IFT122: variants seen among roughly 807,000 people sequenced by gnomAD.
IFT122 encodes intraflagellar transport 122.
In IFT122, 118 loss-of-function variants were observed where a neutral mutation model predicts 161.6. The ratio of observed to expected loss-of-function variants is 0.73; its 90% CI spans 0.63 to 0.85. The LOEUF (loss-of-function observed/expected upper bound fraction) is 0.85. IFT122 is among the 40% of genes least tolerant of loss of function. The probability of loss-of-function intolerance (pLI) is 0.00; values close to 1 mark genes in which losing one functional copy is unlikely to be tolerated. For missense variants in IFT122, 1,381 were observed against 1,579.6 expected (o/e 0.87, Z 2.13); for synonymous variants, 550 against 602.4 (o/e 0.91, Z 1.27).
intron 3 of IFT122, among the ~76,000 whole-genome samples, chr3:129,453,281 T>C (rs761009312): frequency 3.4e-4 from 51 of 152,196 alleles, no homozygotes; most frequent in South Asian, 6.2e-4. Flanking sequence ...AAATTCTCAA[T>C]TCCATTTTTT....
chr3:129,461,283 T>C lies in IFT122; in HGVS notation c.328T>C (p.Ser110Pro). 6.2e-7 allele frequency: 1 copy of C among 1,613,250 alleles called. No individual in the cohort carries two copies. ...SYNPITHQLA[S>P]CSSSDFGLWS... ...CAATCCTATTACTCATCAACTGGCATCTTGTTCCTCCAGTGACTTTGGTAC... is the reference window on the plus strand; with the variant it reads ...CAATCCTATTACTCATCAACTGGCACCTTGTTCCTCCAGTGACTTTGGTAC... The change falls in exon 5 of 30, where the codon TCT becomes CCT. Residue 110 changes from serine to proline, a missense_variant. Around this residue, in one of 7 missense-constraint regions of IFT122, gnomAD observed 134 missense variants for 137.4 expected, o/e 0.98. Coordinates refer to ENST00000348417, the MANE Select transcript of IFT122 (RefSeq NM_052989.3).
At chr3:129,456,067 A>G in intron 3 of IFT122, 1 of 460,548 alleles carries the variant, frequency 2.2e-6, no homozygotes, top group Non-Finnish European at 4.3e-6. Flanking sequence ...TAATCTTCAC[A>G]CCAACCATGA....
chr3:129,515,044 C>G (rs1460207059), intron 25 of IFT122: 1 of 370,638 alleles, frequency 2.7e-6, no homozygotes, highest in East Asian at 6.8e-5. Context: ...TCAGACAGAC[C>G]TGGGTTCACA....
At chr3:129,487,893 G>A (rs2079492162) in intron 15 of IFT122, 1 of 365,074 alleles carries the variant, frequency 2.7e-6, no homozygotes, top group South Asian at 2.1e-5. Flanking sequence ...CTGCAGAAGA[G>A]GTGACATTTC....
intron 17 of IFT122, among the ~76,000 whole-genome samples, chr3:129,493,987 C>T (rs1208966592): frequency 6.6e-6 from 1 of 152,226 alleles, no homozygotes; most frequent in Admixed American, 6.5e-5. Context: ...CTTATTTGCA[C>T]ACATCTGGGT....
intron 9 of IFT122, among the ~76,000 whole-genome samples, chr3:129,473,076 C>T (rs1037993970): frequency 2.3e-4 from 35 of 152,062 alleles, no homozygotes; most frequent in African/African-American, 7.7e-4. Context: ...CAAGGAGGGA[C>T]GATTGCTTGA....
At chr3:129,492,871 C>T (rs1455864506) in intron 17 of IFT122, among the ~76,000 whole-genome samples, 6 of 146,838 alleles carry the variant, frequency 4.1e-5, no homozygotes, top group Non-Finnish European at 8.9e-5. Context: ...CAGGCTCAAG[C>T]GCAGTGGCAC....
At chr3:129,506,679 C>A in intron 22 of IFT122, 130 bp downstream of exon 22, 2 of 1,317,948 alleles carry the variant, frequency 1.5e-6, no homozygotes, top group Non-Finnish European at 2.2e-6. Flanking sequence ...CATAAGCCTG[C>A]CTTGCAGTGG....
chr3:129,482,571 T>C (rs2078799190), intron 14 of IFT122, among the ~76,000 whole-genome samples: 1 of 152,060 alleles, frequency 6.6e-6, no homozygotes, highest in Non-Finnish European at 1.5e-5. Context: ...CTCAGTCAAT[T>C]AGAAGGAGTT....
At chr3:129,451,762 G>T in intron 2 of IFT122, 152 bp from the exon 3 acceptor site, 1 of 683,172 alleles carries the variant, frequency 1.5e-6, no homozygotes, top group Non-Finnish European at 2.7e-6. Flanking sequence ...TTTAAGTCAC[G>T]TTGTTTTTGG....
intron 4 of IFT122, chr3:129,460,800 G>T: frequency 6.9e-7 from 1 of 1,452,718 alleles, no homozygotes; most frequent in South Asian, 1.1e-5. Context: ...CGCCTTGCAT[G>T]GTACATGATT....
At chr3:129,512,753 TC>T in intron 24 of IFT122, 1 of 387,004 alleles carries the variant, frequency 2.6e-6, no homozygotes. Flanking sequence ...TGGGCACTTC[TC>T]CAGACTGGGG....
chr3:129,453,538 A>T (rs191507056), intron 3 of IFT122, among the ~76,000 whole-genome samples: 1 of 152,068 alleles, frequency 6.6e-6, no homozygotes, highest in African/African-American at 2.4e-5. Flanking sequence ...TTTGAGCTGC[A>T]TAGTTGTAGA....
chr3:129,474,889 TCA>T (rs1237900685), intron 9 of IFT122, among the ~76,000 whole-genome samples: 2 of 152,162 alleles, frequency 1.3e-5, no homozygotes, highest in East Asian at 3.8e-4. Flanking sequence ...GCATGGTGGT[TCA>T]CACGTGTAAT....
chr3:129,452,238 T>C, intron 3 of IFT122: 2 of 482,390 alleles, frequency 4.1e-6, no homozygotes, highest in Non-Finnish European at 7.6e-6. Flanking sequence ...CGGTGGTCCC[T>C]CCCCTTATGG....
chr3:129,476,256 T>G, intron 9 of IFT122, 59 bp from the exon 10 acceptor site: 1 of 1,587,224 alleles, frequency 6.3e-7, no homozygotes, highest in Non-Finnish European at 8.6e-7. Flanking sequence ...CTTAATTGTA[T>G]TGCAATGGTT....
At position 129,488,314 on chromosome 3, in the gene IFT122, G is replaced by T. The variant is rs1248453399; in HGVS notation, c.1909G>T (p.Ala637Ser). 1 of 1,614,094 alleles carries T rather than the reference G, an allele frequency of 6.2e-7. No homozygotes were observed. Among genetic ancestry groups the T allele is most frequent in the Non-Finnish European group, 8.5e-7 (1 of 1,180,054 alleles). Residue 637 changes from alanine to serine, a missense_variant, in exon 16 of 30, where the codon GCT becomes TCT. Ala to Ser is a moderately conservative substitution (Grantham distance 99). Transcript: ENST00000348417. Reference sequence around the variant, plus strand: ...ACTGTTCAAGGAAGCCTACCAGATTGCTTGCTTGGGTGTCACAGACACTGA... The same window carrying T: ...ACTGTTCAAGGAAGCCTACCAGATTTCTTGCTTGGGTGTCACAGACACTGA... ...RKLFKEAYQI[A>S]CLGVTDTDWR...
intron 3 of IFT122, among the ~76,000 whole-genome samples, chr3:129,454,717 C>T (rs1224628767): frequency 6.6e-6 from 1 of 152,068 alleles, no homozygotes; most frequent in Non-Finnish European, 1.5e-5. Context: ...GCTATTGGGC[C>T]TCTGGTGCCT....
Position 129,520,331 on chromosome 3 carries a change from TAA to T in IFT122, c.*68_*69del, listed in dbSNP as rs2084603686. On this transcript the variant is annotated 3_prime_UTR_variant, in exon 30 of 30. Coordinates refer to ENST00000348417, the MANE Select transcript of IFT122 (RefSeq NM_052989.3). ...GGGTCTGCTGGGCTGTGAAGGAGAA[TAA>T]AGAGTTAAACTGTCAGAATGTGTTT... The T allele has an allele frequency of 8.2e-7, 1 of 1,223,250 alleles. No homozygotes were observed. Among genetic ancestry groups the T allele is most frequent in the South Asian group, 1.3e-5 (1 of 79,164 alleles). 75.8% of individuals were successfully genotyped at this position (1,223,250 alleles called of 1,614,324 possible).
Sources: gnomAD v4.1 joint callset for allele counts (sites outside exome capture counted in the v4.1 genomes callset) on GRCh38, gnomAD v4.1.1 for gene constraint, gnomAD v4.1.1 regional missense constraint, MANE v1.5 for transcripts, NCBI Gene and HGNC (gene_info 2026-07-23, HGNC 2026-07-21) for gene names.